Variants in SHANK2 observed in about 807,000 individuals in gnomAD.
SHANK2 encodes SH3 and multiple ankyrin repeat domains 2.
Under a neutral mutation model 133.7 loss-of-function variants are expected in SHANK2, and 43 were observed. The ratio of observed to expected loss-of-function variants is 0.32; its 90% CI spans 0.25 to 0.41. The LOEUF is 0.41. SHANK2 is among the 10% of genes least tolerant of loss of function. The pLI is 1.00. For missense variants in SHANK2, 1,994 were observed against 2,235.8 expected, an observed-to-expected ratio of 0.89 and a Z score of 2.18; for synonymous variants, 1,017 against 952.8, an observed-to-expected ratio of 1.07 and a Z score of -1.24.
chr11:70,828,329 A>T (rs1205049748), intron 11 of SHANK2, among the ~76,000 whole-genome samples: 1 of 152,182 alleles, frequency 6.6e-6, no homozygotes, highest in Non-Finnish European at 1.5e-5. Flanking sequence ...GATAAACTTC[A>T]TCTCTTATTT....
intron 11 of SHANK2, among the ~76,000 whole-genome samples, chr11:70,867,978 G>T (rs1257888325): frequency 6.6e-6 from 1 of 152,230 alleles, no homozygotes; most frequent in African/African-American, 2.4e-5. Flanking sequence ...AAATTGATCA[G>T]TGTCAATTCT....
intron 17 of SHANK2, among the ~76,000 whole-genome samples, chr11:70,593,680 T>C (rs1420824672): frequency 6.6e-6 from 1 of 152,216 alleles, no homozygotes; most frequent in Non-Finnish European, 1.5e-5. Context: ...GCATTCAGTG[T>C]CAGGAGGCCT....
At chr11:71,170,822 T>C (rs907551262) in intron 2 of SHANK2, among the ~76,000 whole-genome samples, 1 of 152,244 alleles carries the variant, frequency 6.6e-6, no homozygotes, top group Non-Finnish European at 1.5e-5. Flanking sequence ...CAGACCTTCA[T>C]GCATATCAAA....
rs1262435262 is a variant in SHANK2 at position 71,147,340 on chromosome 11, T to C, written c.-12-2A>G. Reference sequence around the variant, plus strand: ...GCTGCGCGGCATGGCTGCCTGTGTCTTCGAGGTGGGGAGAAGGAAGACAAA... The same window carrying C: ...GCTGCGCGGCATGGCTGCCTGTGTCCTCGAGGTGGGGAGAAGGAAGACAAA... On this transcript the variant is annotated splice_acceptor_variant, in intron 2 of 25. Transcript: ENST00000601538. LOFTEE classifies it low-confidence loss of function (5UTR_SPLICE). 6.5e-7 allele frequency: 1 copy of C among 1,541,224 alleles called. No homozygotes were observed. Among genetic ancestry groups the C allele is most frequent in the Non-Finnish European group, 8.8e-7 (1 of 1,140,070 alleles).
chr11:71,094,436 G>A lies in SHANK2; in HGVS notation c.744+101C>T, dbSNP rs1456714916. On this transcript the variant is annotated intron_variant, in intron 7 of 25. Coordinates refer to ENST00000601538, the MANE Select transcript of SHANK2 (RefSeq NM_012309.5). ...GACTCCTAGGGTGGGCCGGAACACT[G>A]TGCACGGACCCCCTAGGATGGGCAC... is the stretch of plus-strand genomic sequence containing the variant. 8 of 1,216,938 alleles carry A rather than the reference G, an allele frequency of 6.6e-6. No individual in the cohort carries two copies. In the South Asian group the frequency reaches 1.1e-4, roughly 16 times the overall value. The allele number at this position is 1,216,938 out of a possible 1,614,324, so 75.4% of individuals were successfully genotyped here.
intron 4 of SHANK2, among the ~76,000 whole-genome samples, chr11:71,113,663 C>T (rs1555099829): frequency 6.6e-6 from 1 of 152,228 alleles, no homozygotes; most frequent in East Asian, 1.9e-4. Flanking sequence ...ACCGGCTCCC[C>T]AGCTAACTGA....
Position 70,483,469 on chromosome 11 carries a change from T to C in SHANK2, c.4979+1845A>G, listed in dbSNP as rs180916517. On this transcript the variant is annotated intron_variant, in intron 25 of 25. Transcript: ENST00000601538. ...ATCCCAGCACTTTGGGAGGCTGAGG[T>C]GAGTGGTTCGTTTGAGCCCAGGAGT... Among the ~76,000 whole-genome samples, 46 of 136,694 alleles carry C rather than the reference T, an allele frequency of 3.4e-4. No individual in the cohort carries two copies. The South Asian group carries it at 5.1e-3, about 15-fold the overall frequency. The allele number at this position is 136,694 out of a possible 152,430, so 89.7% of individuals were successfully genotyped here.
At chr11:71,213,913 C>G (rs1555119237) in intron 2 of SHANK2, among the ~76,000 whole-genome samples, 1 of 152,236 alleles carries the variant, frequency 6.6e-6, no homozygotes, top group African/African-American at 2.4e-5. Flanking sequence ...TAAGTGGCTT[C>G]CTTGGGCCAT....
chr11:71,090,708 A>G (rs1338584154), intron 8 of SHANK2, among the ~76,000 whole-genome samples: 5 of 152,118 alleles, frequency 3.3e-5, no homozygotes, highest in Non-Finnish European at 1.5e-5. Flanking sequence ...ATGCACGCAG[A>G]GAATTTTTAA....
intron 20 of SHANK2, among the ~76,000 whole-genome samples, chr11:70,501,260 C>G (rs2059046722): frequency 6.6e-6 from 1 of 152,230 alleles, no homozygotes; most frequent in South Asian, 2.1e-4. Context: ...GGCCTCAGCG[C>G]CCTGGGCCGA....
At chr11:70,639,800 G>A (rs897490450) in intron 17 of SHANK2, among the ~76,000 whole-genome samples, 6 of 152,036 alleles carry the variant, frequency 3.9e-5, no homozygotes, top group Non-Finnish European at 2.9e-5. Context: ...GGGCCTGAGC[G>A]GACCCCCCTT....
intron 11 of SHANK2, among the ~76,000 whole-genome samples, chr11:70,891,327 C>G (rs528097578): frequency 6.6e-6 from 1 of 152,018 alleles, no homozygotes; most frequent in Non-Finnish European, 1.5e-5. Flanking sequence ...ACAGCGAAAC[C>G]CCATCTCTAC....
At chr11:70,760,011 A>G (rs1946957563) in intron 14 of SHANK2, among the ~76,000 whole-genome samples, 1 of 152,228 alleles carries the variant, frequency 6.6e-6, no homozygotes, top group Non-Finnish European at 1.5e-5. Flanking sequence ...CAGAACTATG[A>G]GAGACCGGCT....
chr11:71,129,889 C>T lies in SHANK2; in HGVS notation c.208-10857G>A, dbSNP rs564539249. 8.1e-4 allele frequency among the ~76,000 whole-genome samples: 124 copies of T among 152,308 alleles called. No individual in the cohort carries two copies. In the South Asian group the frequency reaches 0.013, roughly 17 times the overall value. On this transcript the variant is annotated intron_variant, in intron 3 of 25. Transcript: ENST00000601538. ...CAAAACAGGCTGCTTAAACCGCAGA[C>T]ATTTATTGTCTCCCATTCTGGAAGC...
intron 14 of SHANK2, among the ~76,000 whole-genome samples, chr11:70,717,750 G>T (rs565829661): frequency 6.6e-6 from 1 of 151,944 alleles, no homozygotes. Flanking sequence ...ACTGCTCCTC[G>T]GGGTCTCCAC....
chr11:70,694,926 C>T (rs920658798), intron 15 of SHANK2, among the ~76,000 whole-genome samples: 2 of 152,188 alleles, frequency 1.3e-5, no homozygotes, highest in African/African-American at 4.8e-5. Flanking sequence ...CCCTGTCCAC[C>T]CTGCCATGCT....
chr11:71,222,977 C>T (rs1014340268), intron 2 of SHANK2, among the ~76,000 whole-genome samples: 5 of 152,244 alleles, frequency 3.3e-5, no homozygotes, highest in Non-Finnish European at 7.3e-5. Context: ...GAGCACCCTC[C>T]ACGGAGCCGT....
chr11:70,542,422 TC>T (rs2059634423), intron 17 of SHANK2, among the ~76,000 whole-genome samples: 1 of 152,100 alleles, frequency 6.6e-6, no homozygotes, highest in South Asian at 2.1e-4. Context: ...GGAAGGACCC[TC>T]CCCTAGAGCC....
At chr11:71,164,434 G>A (rs1953097091) in intron 2 of SHANK2, among the ~76,000 whole-genome samples, 1 of 152,184 alleles carries the variant, frequency 6.6e-6, no homozygotes, top group African/African-American at 2.4e-5. Flanking sequence ...CACCAGAGCA[G>A]CCACAGAATA....
Sources: allele counts gnomAD v4.1 joint callset (sites outside exome capture counted in the v4.1 genomes callset), GRCh38; gene constraint gnomAD v4.1.1; transcripts MANE v1.5; gene names NCBI Gene and HGNC (gene_info 2026-07-23, HGNC 2026-07-21).